Variants in RBMS3 observed in about 807,000 individuals in gnomAD.
RBMS3 encodes RNA binding motif single stranded interacting protein 3, also known as RNA-binding motif, single-stranded-interacting protein 3.
RBMS3 carries 27 observed loss-of-function variants against 66.8 expected under a neutral mutation model. The observed-to-expected ratio is 0.40, with a 90% CI of 0.30 to 0.56. The LOEUF (loss-of-function observed/expected upper bound fraction) is 0.56, where lower values mean the gene tolerates loss of function less well. Ranked by LOEUF, RBMS3 falls within the 20% of genes least tolerant of loss-of-function variation. RBMS3 has a pLI of 0.40. For synonymous variants in RBMS3, 188 were observed against 183.0 expected (o/e 1.03, Z -0.22); for missense variants, 513 against 549.5 (o/e 0.93, Z 0.66).
intron 3 of RBMS3, among the ~76,000 whole-genome samples, chr3:29,575,283 G>GT (rs746440704): frequency 0.064 from 9,281 of 145,302 alleles, 285 homozygotes; most frequent in African/African-American, 0.092. Context: ...AAGGGTAAAA[G>GT]TTTTTTTTTT....
intron 5 of RBMS3, among the ~76,000 whole-genome samples, chr3:29,750,967 T>TA (rs1405208980): frequency 6.6e-6 from 1 of 152,186 alleles, no homozygotes; most frequent in East Asian, 1.9e-4. Flanking sequence ...TAAAAATGTT[T>TA]AAAACTCATG....
chr3:29,731,120 A>G (rs772090949), intron 4 of RBMS3: 47 of 715,170 alleles, frequency 6.6e-5, no homozygotes, highest in Non-Finnish European at 8.1e-5. Flanking sequence ...CCCAAGCCTT[A>G]AAGAATAGCC....
intron 1 of RBMS3, among the ~76,000 whole-genome samples, chr3:29,305,689 G>A (rs2196550): frequency 0.14 from 20,717 of 151,902 alleles, 1,568 homozygotes; most frequent in Admixed American, 0.23. Context: ...GTTCCAGGAG[G>A]CACCTTGAGT....
chr3:29,442,212 A>T (rs1485266781), intron 2 of RBMS3, among the ~76,000 whole-genome samples: 1 of 151,998 alleles, frequency 6.6e-6, no homozygotes, highest in Non-Finnish European at 1.5e-5. Context: ...ATATACTTAC[A>T]TTTTTTTGCC....
chr3:29,907,181 A>G (rs2060401822), intron 10 of RBMS3, among the ~76,000 whole-genome samples: 4 of 152,122 alleles, frequency 2.6e-5, no homozygotes, highest in Admixed American at 6.6e-5. Flanking sequence ...TTGATTCTTC[A>G]TGATGCTGTT....
At chr3:29,654,336 A>G (rs576897314) in intron 4 of RBMS3, among the ~76,000 whole-genome samples, 1 of 152,316 alleles carries the variant, frequency 6.6e-6, no homozygotes, top group South Asian at 2.1e-4. Flanking sequence ...ACAAACTTGC[A>G]TATGTCACTG....
At chr3:29,702,453 G>T (rs1420678312) in intron 4 of RBMS3, among the ~76,000 whole-genome samples, 4 of 152,194 alleles carry the variant, frequency 2.6e-5, no homozygotes, top group African/African-American at 7.2e-5. Flanking sequence ...GGAATGAAAG[G>T]CTGCCAGAGC....
In RBMS3 at chr3:29,587,209, A is replaced by G; in HGVS notation, c.399+4A>G. ...CGTGCAGGCACAGATGGCTAAGGTA[A>G]GATTGATGTTTAGGGGTGTTTTTTT... is the stretch of plus-strand genomic sequence containing the variant. On this transcript the variant is annotated splice_donor_region_variant and intron_variant, in intron 4 of 14. Transcript: ENST00000383767. The G allele has an allele frequency of 9.6e-7, 1 of 1,046,824 alleles. No individual in the cohort carries two copies. The allele number at this position is 1,046,824 out of a possible 1,614,324, so 64.8% of individuals were successfully genotyped here.
chr3:29,768,724 A>T (rs1295696621), intron 6 of RBMS3, among the ~76,000 whole-genome samples: 2 of 151,930 alleles, frequency 1.3e-5, no homozygotes, highest in Non-Finnish European at 2.9e-5. Context: ...CCAGAAGATA[A>T]CATTGGGTCT....
At chr3:29,946,406 A>G (rs1695313443) in intron 12 of RBMS3, among the ~76,000 whole-genome samples, 1 of 151,700 alleles carries the variant, frequency 6.6e-6, no homozygotes, top group Non-Finnish European at 1.5e-5. Flanking sequence ...TTGACAATTT[A>G]CAGATACATA....
At chr3:29,698,786 C>T (rs2052394113) in intron 4 of RBMS3, among the ~76,000 whole-genome samples, 3 of 152,092 alleles carry the variant, frequency 2.0e-5, no homozygotes, top group South Asian at 2.1e-4. Context: ...ATTGTTTTGA[C>T]CCATTGGATG....
chr3:29,949,312 C>T (rs990493743), intron 12 of RBMS3, among the ~76,000 whole-genome samples: 3 of 151,666 alleles, frequency 2.0e-5, no homozygotes, highest in Admixed American at 6.6e-5. Context: ...ATATTTTAGG[C>T]TTTGCAAGCC....
intron 1 of RBMS3, among the ~76,000 whole-genome samples, chr3:29,367,121 A>G (rs1202054672): frequency 6.6e-6 from 1 of 152,150 alleles, no homozygotes; most frequent in Non-Finnish European, 1.5e-5. Flanking sequence ...GTATTTATGG[A>G]GAGAATTGAA....
chr3:29,315,389 CATT>C (rs1215632985), intron 1 of RBMS3, among the ~76,000 whole-genome samples: 1 of 151,752 alleles, frequency 6.6e-6, no homozygotes, highest in Non-Finnish European at 1.5e-5. Context: ...ACCTCATCCT[CATT>C]ATATTTCTTC....
intron 4 of RBMS3, among the ~76,000 whole-genome samples, chr3:29,592,215 A>G (rs1435031227): frequency 6.6e-6 from 1 of 151,310 alleles, no homozygotes; most frequent in Non-Finnish European, 1.5e-5. Context: ...CACACACACA[A>G]TGAATTTACA....
chr3:29,946,473 A>G (rs1357546111), intron 12 of RBMS3, among the ~76,000 whole-genome samples: 1 of 151,712 alleles, frequency 6.6e-6, no homozygotes, highest in Non-Finnish European at 1.5e-5. Flanking sequence ...TGAGTGGTAG[A>G]CACTACACAA....
intron 4 of RBMS3, among the ~76,000 whole-genome samples, chr3:29,619,198 G>A (rs2048779585): frequency 6.6e-6 from 1 of 150,474 alleles, no homozygotes; most frequent in Admixed American, 6.6e-5. Flanking sequence ...AGGGTCAATA[G>A]GTGCAGCAAA....
At chr3:29,358,953 T>C (rs954695987) in intron 1 of RBMS3, among the ~76,000 whole-genome samples, 5 of 152,140 alleles carry the variant, frequency 3.3e-5, no homozygotes, top group Admixed American at 1.3e-4. Flanking sequence ...TGGGCTGAGA[T>C]GATGGGGTTT....
At chr3:29,936,041 T>A in intron 10 of RBMS3, 45 bp from the exon 11 acceptor site, 1 of 1,482,246 alleles carries the variant, frequency 6.7e-7, no homozygotes, top group Non-Finnish European at 9.3e-7. Context: ...GAAGTCTCCT[T>A]CCTTGTAGGA....
Sources: allele counts gnomAD v4.1 joint callset (sites outside exome capture counted in the v4.1 genomes callset), GRCh38; gene constraint gnomAD v4.1.1; transcripts MANE v1.5; gene names NCBI Gene and HGNC (gene_info 2026-07-23, HGNC 2026-07-21).